SLIT3: variants seen among roughly 807,000 people sequenced by gnomAD.
The protein encoded by SLIT3 is slit homolog 3 protein.
A neutral mutation model predicts 184.0 loss-of-function variants in SLIT3; 68 were observed. That is an observed-to-expected ratio of 0.37 (90% CI 0.30 to 0.45). SLIT3 has a LOEUF of 0.45. SLIT3 is among the 20% of genes least tolerant of loss of function. The pLI is 1.00. For missense variants in SLIT3, 1,707 were observed against 2,026.0 expected (o/e 0.84, Z 3.02); for synonymous variants, 831 against 828.6 (o/e 1.00, Z -0.05).
At chr5:168,939,755 G>A (rs1466217008) in intron 4 of SLIT3, among the ~76,000 whole-genome samples, 1 of 152,202 alleles carries the variant, frequency 6.6e-6, no homozygotes, top group East Asian at 1.9e-4. Context: ...GAAATGGAAA[G>A]CAACATTTAA....
chr5:169,179,688 A>ACG (rs3038086), intron 4 of SLIT3, among the ~76,000 whole-genome samples: 16,820 of 151,540 alleles, frequency 0.11, 1,859 homozygotes, highest in African/African-American at 0.27. Flanking sequence ...GCATGAGCAT[A>ACG]TGTGTGTGTG....
chr5:168,892,578 T>C lies in SLIT3; in HGVS notation c.414-9242A>G, dbSNP rs143821606. ...GCCCTGAATCCAGGGCAGCAAGCCA[T>C]GGTTTAGAATATTCCATTCATTCAG... On this transcript the variant is annotated intron_variant, in intron 4 of 35. Coordinates refer to ENST00000519560, the MANE Select transcript of SLIT3 (RefSeq NM_003062.4). Among the ~76,000 whole-genome samples, 1,146 of 152,326 alleles carry C rather than the reference T, an allele frequency of 7.5e-3. 18 individuals are homozygous for C. The highest frequency in any genetic ancestry group is 0.026 in the African/African-American group (1,072 of 41,570).
intron 27 of SLIT3, among the ~76,000 whole-genome samples, chr5:168,700,206 T>C (rs745454540): frequency 6.6e-6 from 1 of 152,270 alleles, no homozygotes; most frequent in East Asian, 1.9e-4. Context: ...GTGAGTGATA[T>C]GGTTTGGCTG....
At chr5:168,820,770 T>C (rs981607659) in intron 7 of SLIT3, among the ~76,000 whole-genome samples, 1 of 152,244 alleles carries the variant, frequency 6.6e-6, no homozygotes, top group Non-Finnish European at 1.5e-5. Flanking sequence ...TGCCAATTTA[T>C]AAAAGGTGCC....
chr5:168,876,593 T>C (rs1321817583), intron 5 of SLIT3, among the ~76,000 whole-genome samples: 1 of 152,170 alleles, frequency 6.6e-6, no homozygotes, highest in Non-Finnish European at 1.5e-5. Flanking sequence ...GCAATACATT[T>C]CCCCTAGATG....
At chr5:168,828,893 G>A (rs898038457) in intron 6 of SLIT3, among the ~76,000 whole-genome samples, 2 of 152,164 alleles carry the variant, frequency 1.3e-5, no homozygotes, top group Non-Finnish European at 2.9e-5. Flanking sequence ...GTAGAGGGTA[G>A]TATACAGGAT....
At chr5:169,274,417 C>G (rs1443361270) in intron 1 of SLIT3, among the ~76,000 whole-genome samples, 2 of 152,174 alleles carry the variant, frequency 1.3e-5, no homozygotes, top group South Asian at 4.1e-4. Flanking sequence ...GTTTTAGAGG[C>G]CAACCACGCA....
chr5:168,712,348 G>T lies in SLIT3; in HGVS notation c.2490C>A (p.Leu830=). Residue 830 remains leucine, a synonymous_variant, in exon 24 of 36, where the codon CTC becomes CTA. Coordinates refer to ENST00000519560, the MANE Select transcript of SLIT3 (RefSeq NM_003062.4). ...GAACGCTGGAAATGTCATTGCCATG[G>T]AGGGTTCTGAAGCAGAGGGCACAGG... ...NGLRSLRVLT[L]HGNDISSVPE... is the part of the protein sequence containing the mutation. 6.2e-7 allele frequency: 1 copy of T among 1,614,158 alleles called. No individual in the cohort carries two copies. Among genetic ancestry groups the T allele is most frequent in the Non-Finnish European group, 8.5e-7 (1 of 1,179,984 alleles).
chr5:168,968,224 C>A (rs993651004), intron 4 of SLIT3, among the ~76,000 whole-genome samples: 1 of 152,270 alleles, frequency 6.6e-6, no homozygotes, highest in East Asian at 1.9e-4. Context: ...AAGCTTAGCG[C>A]CCCCCTCTCC....
At position 169,047,695 on chromosome 5, in the gene SLIT3, T is replaced by C. The variant is rs548693652; in HGVS notation, c.413+145784A>G. Among the ~76,000 whole-genome samples the C allele has an allele frequency of 3.3e-4, 51 of 152,320 alleles. No homozygotes were observed. In the South Asian group the frequency reaches 0.01, roughly 31 times the overall value. On this transcript the variant is annotated intron_variant, in intron 4 of 35. Transcript: ENST00000519560. ...CACTCCCTGAATAGGTTATGTGCTTTCATTCTGGGGGCCTTCATATACAAT... is the reference window on the plus strand; with the variant it reads ...CACTCCCTGAATAGGTTATGTGCTTCCATTCTGGGGGCCTTCATATACAAT...
intron 8 of SLIT3, among the ~76,000 whole-genome samples, chr5:168,807,207 T>A (rs868466789): frequency 1.9e-4 from 29 of 152,114 alleles, no homozygotes; most frequent in Middle Eastern, 3.2e-3. Context: ...GTTAATTTTG[T>A]TTGAGGTGAG....
At chr5:168,955,249 T>C (rs912854752) in intron 4 of SLIT3, among the ~76,000 whole-genome samples, 1 of 152,222 alleles carries the variant, frequency 6.6e-6, no homozygotes. Flanking sequence ...CAGAACCCAT[T>C]AGCAAATCAA....
At chr5:168,865,734 C>T (rs2938769) in intron 5 of SLIT3, among the ~76,000 whole-genome samples, 74,674 of 151,996 alleles carry the variant, frequency 0.49, 20,193 homozygotes, top group African/African-American at 0.74. Flanking sequence ...TAAAATCATC[C>T]AAATTCCTAT....
chr5:168,857,388 G>A (rs1758924663), intron 5 of SLIT3, among the ~76,000 whole-genome samples: 1 of 151,906 alleles, frequency 6.6e-6, no homozygotes, highest in African/African-American at 2.4e-5. Context: ...GTTTTGTTTT[G>A]TTTTGTTTTG....
At chr5:169,256,698 A>G (rs1765972022) in intron 1 of SLIT3, among the ~76,000 whole-genome samples, 1 of 152,156 alleles carries the variant, frequency 6.6e-6, no homozygotes. Flanking sequence ...CCCCATTCAC[A>G]TGGCTTTTGG....
intron 27 of SLIT3, 41 bp from the exon 28 acceptor site, chr5:168,696,472 C>G (rs769123419): frequency 6.2e-7 from 1 of 1,611,536 alleles, no homozygotes; most frequent in East Asian, 2.2e-5. Context: ...AGTCAGGGGT[C>G]AGGGAGAGAG....
intron 7 of SLIT3, among the ~76,000 whole-genome samples, chr5:168,820,662 G>A (rs1033813006): frequency 6.6e-6 from 1 of 152,190 alleles, no homozygotes; most frequent in African/African-American, 2.4e-5. Context: ...GTGGCTAGGT[G>A]GGTCCTGCAT....
chr5:168,991,555 C>T (rs1223376252), intron 4 of SLIT3, among the ~76,000 whole-genome samples: 3 of 152,216 alleles, frequency 2.0e-5, no homozygotes, highest in Non-Finnish European at 4.4e-5. Context: ...CCCCACCACC[C>T]CCAGCAGCAA....
At chr5:168,708,156 C>T in intron 25 of SLIT3, 56 bp from the exon 26 acceptor site, 1 of 1,612,296 alleles carries the variant, frequency 6.2e-7, no homozygotes, top group African/African-American at 1.3e-5. Context: ...CACTGCCATA[C>T]CTCCCTTCCC....
Sources: gnomAD v4.1 joint callset for allele counts (sites outside exome capture counted in the v4.1 genomes callset) on GRCh38, gnomAD v4.1.1 for gene constraint, MANE v1.5 for transcripts, NCBI Gene and HGNC (gene_info 2026-07-23, HGNC 2026-07-21) for gene names.